The following ABHD5 variants were observed in gnomAD, a reference collection of about 807,000 sequenced individuals.
ABHD5 encodes the protein 1-acylglycerol-3-phosphate O-acyltransferase ABHD5.
ABHD5 carries 30 observed loss-of-function variants against 44.9 expected under a neutral mutation model. That is an observed-to-expected ratio of 0.67 (90% confidence interval 0.50 to 0.91). The LOEUF is 0.91. Ranked by LOEUF, ABHD5 falls within the 40% of genes least tolerant of loss-of-function variation. The pLI, the probability that ABHD5 is intolerant of heterozygous loss-of-function variation, is 0.00. For synonymous variants in ABHD5, 167 were observed against 147.0 expected (o/e 1.14, Z -0.99); for missense variants, 399 against 423.4 (o/e 0.94, Z 0.50).
downstream of ABHD5, among the ~76,000 whole-genome samples, chr3:43,726,215 A>G (rs985543547): frequency 1.3e-5 from 2 of 152,156 alleles, no homozygotes; most frequent in South Asian, 2.1e-4. Flanking sequence ...AGTCACAGCA[A>G]TGGAAATGAT....
At chr3:43,718,260 A>G (rs975443556) in intron 6 of ABHD5, among the ~76,000 whole-genome samples, 183 bp from the exon 7 acceptor site, 3 of 152,300 alleles carry the variant, frequency 2.0e-5, no homozygotes, top group Middle Eastern at 6.8e-3. Flanking sequence ...AGATTTTTCT[A>G]TTCTCAGATC....
chr3:43,702,736 TATAGTAGCTGAAATA>T (rs1338165229), intron 3 of ABHD5, 149 bp downstream of exon 3: 2 of 1,061,456 alleles, frequency 1.9e-6, no homozygotes, highest in Non-Finnish European at 2.9e-6. Context: ...TGATGACCAA[TATAGTAGCTGAAATA>T]ATCATGTCAG....
In ABHD5 at chr3:43,699,328, C is replaced by T. The variant is rs1219924747; in HGVS notation, c.100C>T (p.His34Tyr). 6.2e-7 allele frequency: 1 copy of T among 1,614,020 alleles called. No homozygotes were observed. Among genetic ancestry groups the T allele is most frequent in the Non-Finnish European group, 8.5e-7 (1 of 1,179,898 alleles). The change falls in exon 2 of 7, where the codon CAC becomes TAC. Residue 34 changes from histidine to tyrosine, a missense_variant. His to Tyr is a moderately conservative substitution (Grantham distance 83). Transcript: ENST00000644371. ...LPTWCPTSISHLKEAEEKMLK... is the reference protein window; with the variant it reads ...LPTWCPTSISYLKEAEEKMLK... Reference sequence around the variant, plus strand: ...CACATGGTGCCCTACGTCTATATCACACCTTAAAGAAGCTGAAGAGAAGAT... The same window carrying T: ...CACATGGTGCCCTACGTCTATATCATACCTTAAAGAAGCTGAAGAGAAGAT...
chr3:43,723,319 G>A (rs1042194964), downstream of ABHD5, among the ~76,000 whole-genome samples: 4 of 152,122 alleles, frequency 2.6e-5, no homozygotes, highest in Non-Finnish European at 5.9e-5. Flanking sequence ...ACCCTGATAA[G>A]GGAAAGTTCT....
intron 7 of ABHD5, among the ~76,000 whole-genome samples, chr3:43,728,927 T>G (rs2084896052): frequency 6.6e-6 from 1 of 152,214 alleles, no homozygotes; most frequent in South Asian, 2.1e-4. Flanking sequence ...CAAATTGCTC[T>G]TTTTAATCTG....
At chr3:43,733,880 A>C (rs1433241121) in exon 8 of ABHD5, 2 of 152,172 alleles carry the variant, frequency 1.3e-5, no homozygotes, top group Admixed American at 6.5e-5. Flanking sequence ...ATTTTTTCAG[A>C]GCTCATTCCG....
chr3:43,694,394 A>T (rs907257887), intron 1 of ABHD5, among the ~76,000 whole-genome samples: 1 of 151,958 alleles, frequency 6.6e-6, no homozygotes, highest in African/African-American at 2.4e-5. Flanking sequence ...GTGAGTTACT[A>T]AAAAAAATCA....
chr3:43,699,153 A>C (rs2084508767), intron 1 of ABHD5, 123 bp from the exon 2 acceptor site: 2 of 831,260 alleles, frequency 2.4e-6, no homozygotes, highest in Non-Finnish European at 4.1e-6. Context: ...CTTTTGTCAC[A>C]CATAGCTTTA....
At chr3:43,697,282 G>C (rs753611057) in intron 1 of ABHD5, among the ~76,000 whole-genome samples, 5 of 151,772 alleles carry the variant, frequency 3.3e-5, no homozygotes, top group Non-Finnish European at 7.4e-5. Flanking sequence ...TGTTTTCTTT[G>C]CCCCAGTTTG....
chr3:43,690,883 C>T, upstream of ABHD5: 1 of 1,235,618 alleles, frequency 8.1e-7, no homozygotes, highest in Non-Finnish European at 1.1e-6. Flanking sequence ...GCGCGGAAGA[C>T]GCATGCGCTG....
intron 3 of ABHD5, among the ~76,000 whole-genome samples, chr3:43,709,778 CTCAGG>C (rs2084664899): frequency 6.6e-6 from 1 of 152,186 alleles, no homozygotes; most frequent in Non-Finnish European, 1.5e-5. Context: ...GGCACAGTGG[CTCAGG>C]CCCATAATCC....
Position 43,720,191 on chromosome 3 carries a change from G to T in ABHD5, c.*1659G>T, listed in dbSNP as rs1422158894. The T allele has an allele frequency of 6.6e-6, 1 of 152,164 alleles. No homozygotes were observed. Among genetic ancestry groups the T allele is most frequent in the Non-Finnish European group, 1.5e-5 (1 of 68,022 alleles). 9.4% of individuals were successfully genotyped at this position (152,164 alleles called of 1,614,324 possible). On this transcript the variant is annotated 3_prime_UTR_variant, in exon 7 of 7. Coordinates refer to ENST00000644371, the MANE Select transcript of ABHD5 (RefSeq NM_016006.6). ...GTCTTTTTAGTTAGTATTTTGGATG[G>T]CCAGGTTTCAAACCTGTATGTGGTA...
chr3:43,697,200 TC>T (rs1405480602), intron 1 of ABHD5, among the ~76,000 whole-genome samples: 1 of 152,218 alleles, frequency 6.6e-6, no homozygotes, highest in East Asian at 1.9e-4. Flanking sequence ...TAGTAGGTAT[TC>T]AGTGTCTGAA....
At chr3:43,708,752 ATGT>A (rs1338563399) in intron 3 of ABHD5, among the ~76,000 whole-genome samples, 1 of 152,216 alleles carries the variant, frequency 6.6e-6, no homozygotes, top group African/African-American at 2.4e-5. Context: ...TATAGTTTAG[ATGT>A]TGTAGAGTTT....
In ABHD5 at chr3:43,722,378, G is replaced by GA. The variant is rs1199232534; in HGVS notation, c.*3852dup. 1 of 152,118 alleles carries GA rather than the reference G, an allele frequency of 6.6e-6. No homozygotes were observed. The highest frequency in any genetic ancestry group is 2.4e-5 in the African/African-American group (1 of 41,418). The allele number at this position is 152,118 out of a possible 1,614,324, so 9.4% of individuals were successfully genotyped here. ...CTGTTGTATAACGAAGAGACAAATG[G>GA]AAAAAATATGTATTTGCTTTTTTTG... On this transcript the variant is annotated 3_prime_UTR_variant, in exon 7 of 7. Transcript: ENST00000644371.
At chr3:43,699,598 A>G (rs1479698402) in intron 2 of ABHD5, 5 of 472,714 alleles carry the variant, frequency 1.1e-5, no homozygotes, top group Non-Finnish European at 7.8e-6. Flanking sequence ...AAGGACCCCA[A>G]GGAGATTTGT....
At chr3:43,729,890 C>G (rs1407555663) in intron 7 of ABHD5, among the ~76,000 whole-genome samples, 1 of 152,146 alleles carries the variant, frequency 6.6e-6, no homozygotes, top group Non-Finnish European at 1.5e-5. Context: ...CTGTTTCTGT[C>G]TATGGTTCCT....
intron 1 of ABHD5, among the ~76,000 whole-genome samples, chr3:43,698,869 C>T (rs936693472): frequency 2.0e-5 from 3 of 152,146 alleles, no homozygotes; most frequent in Admixed American, 2.0e-4. Context: ...CATAGAGGTA[C>T]CTTTTATATT....
chr3:43,717,864 G>A lies in ABHD5; in HGVS notation c.960+7G>A. On this transcript the variant is annotated splice_region_variant and intron_variant, in intron 6 of 6. Transcript: ENST00000644371. ...TTCATATGTGAAGACAATAGTAAGTGTGTGGCTTGATTTGGGTTTTTAGGT... is the reference window on the plus strand; with the variant it reads ...TTCATATGTGAAGACAATAGTAAGTATGTGGCTTGATTTGGGTTTTTAGGT... 6.2e-7 allele frequency: 1 copy of A among 1,614,120 alleles called. No homozygotes were observed. The highest frequency in any genetic ancestry group is 8.5e-7 in the Non-Finnish European group (1 of 1,179,974).
Sources: gnomAD v4.1 joint callset for allele counts (sites outside exome capture counted in the v4.1 genomes callset) on GRCh38, gnomAD v4.1.1 for gene constraint, MANE v1.5 for transcripts, NCBI Gene and HGNC (gene_info 2026-07-23, HGNC 2026-07-21) for gene names.